Variants in CDC42SE2 observed in about 807,000 individuals in gnomAD.
CDC42SE2 encodes CDC42 small effector protein 2.
Under a neutral mutation model 11.5 loss-of-function variants are expected in CDC42SE2, and 3 were observed. The observed-to-expected ratio is 0.26, with a 90% CI of 0.12 to 0.67. The LOEUF (loss-of-function observed/expected upper bound fraction) is 0.67. Ranked by LOEUF, CDC42SE2 falls within the 30% of genes least tolerant of loss-of-function variation. CDC42SE2 has a pLI of 0.80. For synonymous variants in CDC42SE2, 33 were observed against 34.8 expected, an observed-to-expected ratio of 0.95 and a Z score of 0.18; for missense variants, 82 against 106.8, an observed-to-expected ratio of 0.77 and a Z score of 1.02.
At chr5:131,300,782 C>CA (rs1436586334) in intron 1 of CDC42SE2, among the ~76,000 whole-genome samples, 1,912 of 87,002 alleles carry the variant, frequency 0.022, 20 homozygotes, top group African/African-American at 0.038. Context: ...GACTCCGTCT[C>CA]AAAAAAAAAA....
chr5:131,324,809 T>G (rs1758263671), intron 2 of CDC42SE2, among the ~76,000 whole-genome samples: 1 of 152,186 alleles, frequency 6.6e-6, no homozygotes, highest in Non-Finnish European at 1.5e-5. Flanking sequence ...GTGAATTATA[T>G]CCAAAATGTA....
At chr5:131,260,791 G>A (rs949298164), upstream of CDC42SE2, among the ~76,000 whole-genome samples, 5 of 151,982 alleles carry the variant, frequency 3.3e-5, no homozygotes, top group Middle Eastern at 3.2e-3. Context: ...AAAATTAGCC[G>A]GGCGTGGTGG....
the CDC42SE2 span, among the ~76,000 whole-genome samples, chr5:131,221,676 C>T: frequency 4.0e-5 from 6 of 151,620 alleles, no homozygotes; most frequent in East Asian, 1.9e-4. Context: ...TCTTGCACTA[C>T]TTCTATTTCA....
At chr5:131,329,050 C>T (rs1758357003) in intron 2 of CDC42SE2, among the ~76,000 whole-genome samples, 1 of 152,202 alleles carries the variant, frequency 6.6e-6, no homozygotes, top group Non-Finnish European at 1.5e-5. Flanking sequence ...AGAGTGAATG[C>T]CAAGAGGATG....
At chr5:131,246,684 A>G (rs1422121444) in intron 1 of CDC42SE2, among the ~76,000 whole-genome samples, 1 of 150,768 alleles carries the variant, frequency 6.6e-6, no homozygotes, top group African/African-American at 2.4e-5. Context: ...GTGAGGGTCC[A>G]TGTTTGTGAG....
chr5:131,276,525 G>A (rs115817444), intron 1 of CDC42SE2, among the ~76,000 whole-genome samples: 2,002 of 152,086 alleles, frequency 0.013, 45 homozygotes, highest in African/African-American at 0.044. Context: ...GATAATGTTT[G>A]TGTGCAAGTA....
At chr5:131,349,166 A>G (rs150407412) in intron 2 of CDC42SE2, among the ~76,000 whole-genome samples, 5,235 of 152,190 alleles carry the variant, frequency 0.034, 308 homozygotes, top group African/African-American at 0.12. Context: ...TTGCAGCCAT[A>G]AAAAAGGATG....
At chr5:131,319,235 G>A (rs578124164) in intron 2 of CDC42SE2, among the ~76,000 whole-genome samples, 172 of 152,192 alleles carry the variant, frequency 1.1e-3, no homozygotes, top group African/African-American at 4.0e-3. Context: ...CACCCTCAGT[G>A]CCTCACTTCA....
At chr5:131,221,755 C>T in the CDC42SE2 span, among the ~76,000 whole-genome samples, 24 of 152,208 alleles carry the variant, frequency 1.6e-4, no homozygotes, top group African/African-American at 3.4e-4. Context: ...CCTCAACAAA[C>T]GATTTCTAAC....
intron 1 of CDC42SE2, among the ~76,000 whole-genome samples, chr5:131,269,615 T>C (rs1561566431): frequency 6.6e-6 from 1 of 151,880 alleles, no homozygotes; most frequent in East Asian, 1.9e-4. Context: ...AATACAAAAA[T>C]TAGCCAAGCA....
At chr5:131,363,603 C>T (rs1192694810) in intron 3 of CDC42SE2, among the ~76,000 whole-genome samples, 2 of 151,908 alleles carry the variant, frequency 1.3e-5, no homozygotes, top group Non-Finnish European at 2.9e-5. Flanking sequence ...TCTCGAACTC[C>T]TGACCTCAAG....
chr5:131,328,802 G>T lies in CDC42SE2; in HGVS notation c.-286+12658G>T, dbSNP rs1758350361. 2.0e-5 allele frequency among the ~76,000 whole-genome samples: 3 copies of T among 152,212 alleles called. No homozygotes were observed. In the South Asian group the frequency reaches 6.2e-4, roughly 31 times the overall value. Reference sequence around the variant, plus strand: ...GGAATTTATGTCCAGGTGAGTTTAAGGAAAGGAAGGACTTGGGACCCAGGT... The same window carrying T: ...GGAATTTATGTCCAGGTGAGTTTAATGAAAGGAAGGACTTGGGACCCAGGT... On this transcript the variant is annotated intron_variant, in intron 2 of 4. Coordinates refer to ENST00000505065, the MANE Select transcript of CDC42SE2 (RefSeq NM_001375635.1).
chr5:131,353,050 C>T (rs1026512766), intron 2 of CDC42SE2, among the ~76,000 whole-genome samples: 5 of 152,058 alleles, frequency 3.3e-5, no homozygotes, highest in South Asian at 2.1e-4. Context: ...ACTGCAGCCT[C>T]GACTTCCTGG....
chr5:131,311,311 C>T (rs181790933), intron 1 of CDC42SE2, among the ~76,000 whole-genome samples: 5,131 of 151,852 alleles, frequency 0.034, 296 homozygotes, highest in African/African-American at 0.12. Context: ...CCGAGAGATC[C>T]GCTGTTAGTC....
chr5:131,292,919 A>AAC (rs1362889765), intron 1 of CDC42SE2, among the ~76,000 whole-genome samples: 7 of 149,296 alleles, frequency 4.7e-5, no homozygotes, highest in African/African-American at 1.7e-4. Flanking sequence ...AAAAAAAAAA[A>AAC]AAAAAAAAAA....
At chr5:131,298,620 CT>C (rs5871417) in intron 1 of CDC42SE2, among the ~76,000 whole-genome samples, 117,149 of 151,156 alleles carry the variant, frequency 0.78, 45,841 homozygotes, top group African/African-American at 0.84. Flanking sequence ...ATAGTTCTTT[CT>C]TTTTTTTAAA....
intron 3 of CDC42SE2, among the ~76,000 whole-genome samples, chr5:131,363,856 C>T (rs1268888069): frequency 6.6e-6 from 1 of 151,558 alleles, no homozygotes; most frequent in Non-Finnish European, 1.5e-5. Context: ...CCACCACACC[C>T]GGTTAATTTT....
At chr5:131,358,350 A>G (rs1749613363) in intron 2 of CDC42SE2, among the ~76,000 whole-genome samples, 2 of 152,296 alleles carry the variant, frequency 1.3e-5, no homozygotes, top group South Asian at 2.1e-4. Context: ...AGGGATGCCT[A>G]GAATCAGAGA....
chr5:131,336,932 A>G (rs6596016), intron 2 of CDC42SE2, among the ~76,000 whole-genome samples: 28,293 of 150,988 alleles, frequency 0.19, 6,803 homozygotes, highest in African/African-American at 0.56. Flanking sequence ...CCGTTAGCAC[A>G]GAGTAGTTTG....
Sources: gnomAD v4.1 joint callset for allele counts (sites outside exome capture counted in the v4.1 genomes callset) on GRCh38, gnomAD v4.1.1 for gene constraint, MANE v1.5 for transcripts, NCBI Gene and HGNC (gene_info 2026-07-23, HGNC 2026-07-21) for gene names.